Variants in HS3ST4 observed in about 807,000 individuals in gnomAD.
HS3ST4 encodes heparan sulfate-glucosamine 3-sulfotransferase 4.
HS3ST4 carries 17 observed loss-of-function variants against 29.2 expected under a neutral mutation model. That is an observed-to-expected ratio of 0.58 (90% confidence interval 0.40 to 0.87). The LOEUF is 0.87. Ranked by LOEUF, HS3ST4 falls within the 40% of genes least tolerant of loss-of-function variation. The pLI is 0.00. For missense variants in HS3ST4, 627 were observed against 634.5 expected (o/e 0.99, Z 0.13); for synonymous variants, 314 against 285.7 (o/e 1.10, Z -1.00).
chr16:25,758,025 C>T (rs905669454), intron 1 of HS3ST4, among the ~76,000 whole-genome samples: 1 of 152,048 alleles, frequency 6.6e-6, no homozygotes, highest in Non-Finnish European at 1.5e-5. Context: ...CTCCAGAGCC[C>T]CCAGAATAAC....
At position 25,927,695 on chromosome 16, in the gene HS3ST4, G is replaced by GT. The variant is rs77200693; in HGVS notation, c.735-207906dup. ...CTCAGCCCCAGCTCGCTGTTTTTCT[G>GT]TTTTTTTTTTTCCCCGATTTTTCGG... On this transcript the variant is annotated intron_variant, in intron 1 of 1. Transcript: ENST00000331351. 9.1e-3 allele frequency among the ~76,000 whole-genome samples: 1,328 copies of GT among 146,184 alleles called. 14 individuals carry two copies. The highest frequency in any genetic ancestry group is 0.027 in the African/African-American group (1,061 of 40,012).
chr16:25,732,404 A>C (rs1222823380), intron 1 of HS3ST4, among the ~76,000 whole-genome samples: 1 of 152,204 alleles, frequency 6.6e-6, no homozygotes, highest in Non-Finnish European at 1.5e-5. Context: ...AGCCACGTTG[A>C]TATGCCATCT....
chr16:25,692,581 G>T lies in HS3ST4; in HGVS notation c.164G>T (p.Gly55Val), dbSNP rs1014405571. Reference sequence around the variant, plus strand: ...TACCTGTGCTACAGCCTCCTGGGCGGCTCGGGCTCCCTGCAATTCCCTCTG... The same window carrying T: ...TACCTGTGCTACAGCCTCCTGGGCGTCTCGGGCTCCCTGCAATTCCCTCTG... ...VTYLCYSLLGGSGSLQFPLAL... is the reference protein window; with the variant it reads ...VTYLCYSLLGVSGSLQFPLAL... The change falls in exon 1 of 2, where the codon GGC becomes GTC. Residue 55 changes from glycine (G) to valine (V), a missense_variant. Around this residue, in one of 2 missense-constraint regions of HS3ST4, gnomAD observed 402 missense variants for 340.8 expected, o/e 1.18. Transcript: ENST00000331351. 3.5e-6 allele frequency: 5 copies of T among 1,424,554 alleles called. No homozygotes were observed. The highest frequency in any genetic ancestry group is 3.7e-4 in the Middle Eastern group (2 of 5,460). The allele number at this position is 1,424,554 out of a possible 1,614,324, so 88.2% of individuals were successfully genotyped here.
chr16:25,803,831 C>T (rs8046915), intron 1 of HS3ST4, among the ~76,000 whole-genome samples: 160 of 152,332 alleles, frequency 1.1e-3, no homozygotes, highest in African/African-American at 3.6e-3. Flanking sequence ...TTGTGATCAG[C>T]ACCCCTGTTC....
intron 1 of HS3ST4, among the ~76,000 whole-genome samples, chr16:25,698,354 A>T (rs1966313394): frequency 6.6e-6 from 1 of 152,134 alleles, no homozygotes; most frequent in Non-Finnish European, 1.5e-5. Context: ...ACTTGGAGGG[A>T]ACAGCCAGTG....
chr16:25,730,227 A>G (rs983337503), intron 1 of HS3ST4, among the ~76,000 whole-genome samples: 4 of 152,102 alleles, frequency 2.6e-5, no homozygotes, highest in African/African-American at 7.2e-5. Context: ...AGGCTCTTGT[A>G]TAGGTGACAT....
chr16:25,956,457 G>A (rs1009682207), intron 1 of HS3ST4, among the ~76,000 whole-genome samples: 5 of 152,158 alleles, frequency 3.3e-5, no homozygotes, highest in African/African-American at 1.2e-4. Context: ...AAAGTCCTAG[G>A]CAGATCAGCT....
At chr16:25,855,441 C>A (rs1264345608) in intron 1 of HS3ST4, among the ~76,000 whole-genome samples, 1 of 152,112 alleles carries the variant, frequency 6.6e-6, no homozygotes, top group African/African-American at 2.4e-5. Context: ...CTTTGCAGGG[C>A]CATTTCAAAA....
At chr16:26,053,849 C>A (rs1898374749) in intron 1 of HS3ST4, among the ~76,000 whole-genome samples, 1 of 151,964 alleles carries the variant, frequency 6.6e-6, no homozygotes. Context: ...CGGTAACATC[C>A]ACCACAAAAT....
chr16:26,119,617 T>C (rs1177224877), intron 1 of HS3ST4, among the ~76,000 whole-genome samples: 2 of 152,092 alleles, frequency 1.3e-5, no homozygotes, highest in Non-Finnish European at 2.9e-5. Context: ...ATCTATTGGG[T>C]ATAATTCTCT....
intron 1 of HS3ST4, among the ~76,000 whole-genome samples, chr16:25,713,159 C>T (rs530497306): frequency 1.3e-5 from 2 of 152,102 alleles, no homozygotes; most frequent in South Asian, 2.1e-4. Context: ...GTCAACCTGT[C>T]GTCTAGGTTT....
rs181716989 is a variant in HS3ST4, at chr16:26,030,648, A to G, written c.735-104964A>G. Among the ~76,000 whole-genome samples the G allele has an allele frequency of 5.6e-4, 85 of 152,248 alleles. 1 individual carries two copies. Among genetic ancestry groups the G allele is most frequent in the African/African-American group, 1.9e-3 (81 of 41,560 alleles). Reference sequence around the variant, plus strand: ...TGCTGGCTATACATACCTAGGCACCATACACCCACTCACCTAGGTTGAGTC... The same window carrying G: ...TGCTGGCTATACATACCTAGGCACCGTACACCCACTCACCTAGGTTGAGTC... On this transcript the variant is annotated intron_variant, in intron 1 of 1. Coordinates refer to ENST00000331351, the MANE Select transcript of HS3ST4 (RefSeq NM_006040.3).
chr16:25,702,663 T>G (rs1966341878), intron 1 of HS3ST4, among the ~76,000 whole-genome samples: 1 of 152,188 alleles, frequency 6.6e-6, no homozygotes, highest in African/African-American at 2.4e-5. Flanking sequence ...TATATAAACT[T>G]GACCAAAATG....
At chr16:25,923,127 ATTG>A (rs1185633221) in intron 1 of HS3ST4, among the ~76,000 whole-genome samples, 2 of 152,182 alleles carry the variant, frequency 1.3e-5, no homozygotes, top group Admixed American at 1.3e-4. Context: ...ATTTTTAGCC[ATTG>A]TTGTACAAAT....
intron 1 of HS3ST4, among the ~76,000 whole-genome samples, chr16:25,949,579 C>T (rs1297475696): frequency 6.6e-6 from 1 of 152,106 alleles, no homozygotes; most frequent in African/African-American, 2.4e-5. Flanking sequence ...GGAAGAGAGA[C>T]TTCAGTGTAG....
chr16:25,886,027 G>GTTTTTTTT (rs34713423), intron 1 of HS3ST4, among the ~76,000 whole-genome samples: 5 of 82,768 alleles, frequency 6.0e-5, no homozygotes, highest in East Asian at 4.6e-4. Context: ...TCTTACTGTG[G>GTTTTTTTT]TTTTTTTTTT....
intron 1 of HS3ST4, chr16:25,824,626 G>A (rs1967198261): frequency 6.6e-6 from 1 of 152,186 alleles, no homozygotes; most frequent in Non-Finnish European, 1.5e-5. Flanking sequence ...TCCCTCCCAT[G>A]ATACGTGAGA....
At chr16:26,076,920 A>G (rs757967228) in intron 1 of HS3ST4, among the ~76,000 whole-genome samples, 1 of 152,158 alleles carries the variant, frequency 6.6e-6, no homozygotes, top group Non-Finnish European at 1.5e-5. Context: ...TGACATTACT[A>G]TTCTGTTTTC....
intron 1 of HS3ST4, among the ~76,000 whole-genome samples, chr16:26,016,799 G>C (rs1222791807): frequency 6.6e-6 from 1 of 152,194 alleles, no homozygotes; most frequent in Non-Finnish European, 1.5e-5. Flanking sequence ...GAGTGTGATA[G>C]AAATGTCTAG....
Sources: gnomAD v4.1 joint callset for allele counts (sites outside exome capture counted in the v4.1 genomes callset) on GRCh38, gnomAD v4.1.1 for gene constraint, gnomAD v4.1.1 regional missense constraint, MANE v1.5 for transcripts, NCBI Gene and HGNC (gene_info 2026-07-23, HGNC 2026-07-21) for gene names.